ZNHIT6: variants seen among roughly 807,000 people sequenced by gnomAD.
ZNHIT6 encodes the protein zinc finger HIT-type containing 6.
Under a neutral mutation model 57.2 loss-of-function variants are expected in ZNHIT6, and 45 were observed. That is an observed-to-expected ratio of 0.79 (90% CI 0.62 to 1.01). ZNHIT6 has a LOEUF of 1.01. ZNHIT6 is among the 50% of genes least tolerant of loss of function. The probability of loss-of-function intolerance (pLI) is 0.00; values close to 1 mark genes in which losing one functional copy is unlikely to be tolerated. For missense variants in ZNHIT6, 528 were observed against 567.3 expected (o/e 0.93, Z 0.70); for synonymous variants, 188 against 190.0 (o/e 0.99, Z 0.09).
At chr1:85,699,650 TAG>T (rs993972908) in intron 5 of ZNHIT6, among the ~76,000 whole-genome samples, 4 of 152,182 alleles carry the variant, frequency 2.6e-5, no homozygotes, top group Non-Finnish European at 5.9e-5. Context: ...GGAGACAATG[TAG>T]AGTTTTTCTC....
intron 5 of ZNHIT6, among the ~76,000 whole-genome samples, chr1:85,689,608 T>A (rs995949540): frequency 1.3e-5 from 2 of 152,178 alleles, no homozygotes; most frequent in Non-Finnish European, 2.9e-5. Context: ...TAGTAGAAAG[T>A]ATATTAAGAA....
At chr1:85,704,392 A>C (rs1662620332) in intron 4 of ZNHIT6, among the ~76,000 whole-genome samples, 1 of 152,150 alleles carries the variant, frequency 6.6e-6, no homozygotes, top group South Asian at 2.1e-4. Context: ...AAAATGCGTA[A>C]ACAAATTGTG....
chr1:85,677,387 C>T, intron 7 of ZNHIT6, 74 bp from the exon 8 acceptor site: 1 of 1,148,940 alleles, frequency 8.7e-7, no homozygotes, highest in South Asian at 1.7e-5. Context: ...GGAGACTAAG[C>T]ATTTGTACCT....
chr1:85,656,731 C>T (rs1661070192), intron 9 of ZNHIT6, among the ~76,000 whole-genome samples: 2 of 151,958 alleles, frequency 1.3e-5, no homozygotes, highest in South Asian at 2.1e-4. Context: ...GATTTAGAGG[C>T]CCATAATTTA....
intron 1 of ZNHIT6, 86 bp downstream of exon 1, chr1:85,707,543 C>T: frequency 7.1e-7 from 1 of 1,408,664 alleles, no homozygotes; most frequent in East Asian, 2.4e-5. Context: ...CATTATTCCA[C>T]CTTCTCCTGA....
intron 8 of ZNHIT6, among the ~76,000 whole-genome samples, chr1:85,667,088 T>G (rs1661390337): frequency 6.6e-6 from 1 of 152,162 alleles, no homozygotes; most frequent in Non-Finnish European, 1.5e-5. Flanking sequence ...TTATGATTAT[T>G]TATGGTGCTG....
rs142063493 is a variant in ZNHIT6, at chr1:85,708,223, C to G, written c.62G>C (p.Gly21Ala). The G allele has an allele frequency of 1.9e-6, 3 of 1,613,444 alleles. No homozygotes were observed. The highest frequency in any genetic ancestry group is 1.1e-5 in the South Asian group (1 of 91,066). ...GCCAGGCTCTGGACTTAGCCGCACC[C>G]CCTCAGCTACGCTGTGGAGACCTCC... is the stretch of plus-strand genomic sequence containing the variant. ...SGGGLHSVAEGVRLSPEPGRE... is the reference protein window; with the variant it reads ...SGGGLHSVAEAVRLSPEPGRE... Residue 21 changes from glycine (G) to alanine (A), a missense_variant, in exon 1 of 10, where the codon GGG becomes GCG. Physicochemically the swap from Gly to Ala is moderately conservative, Grantham distance 60. Coordinates refer to ENST00000370574, the MANE Select transcript of ZNHIT6 (RefSeq NM_017953.4).
Position 85,702,278 on chromosome 1 carries a change from A to T in ZNHIT6, c.916-18T>A, listed in dbSNP as rs775300422. On this transcript the variant is annotated intron_variant, in intron 4 of 9. Transcript: ENST00000370574. Reference sequence around the variant, plus strand: ...AAGTACATCTAACAACAAAAACCAAACAGACAAATTAATTTTTAAATTCCT... The same window carrying T: ...AAGTACATCTAACAACAAAAACCAATCAGACAAATTAATTTTTAAATTCCT... 8 of 1,393,710 alleles carry T rather than the reference A, an allele frequency of 5.7e-6. No homozygotes were observed. The highest frequency in any genetic ancestry group is 8.0e-6 in the Non-Finnish European group (8 of 1,001,540). 86.3% of individuals were successfully genotyped at this position (1,393,710 alleles called of 1,614,324 possible). A position where few individuals can be genotyped will look rare whatever the true frequency, so the allele number is the denominator to read the frequency against.
chr1:85,667,961 A>AAAAAAAAAAAAAAAAATATATATATAT, intron 8 of ZNHIT6, among the ~76,000 whole-genome samples: 1 of 18,200 alleles, frequency 5.5e-5, no homozygotes, highest in Non-Finnish European at 9.9e-5. Context: ...AAAAAAAAAA[A>AAAAAAAAAAAAAAAAATATATATATAT]ATATATATAT....
chr1:85,681,792 G>A (rs7512456), intron 5 of ZNHIT6, among the ~76,000 whole-genome samples: 9,375 of 152,186 alleles, frequency 0.062, 379 homozygotes, highest in African/African-American at 0.11. Flanking sequence ...GAACAAAGTT[G>A]AAAAGTACCC....
intron 5 of ZNHIT6, among the ~76,000 whole-genome samples, chr1:85,698,426 T>C (rs1376458761): frequency 6.6e-6 from 1 of 152,182 alleles, no homozygotes; most frequent in East Asian, 1.9e-4. Context: ...TCAGGTACAA[T>C]GGCACATTCA....
At chr1:85,694,951 T>G (rs1662323855) in intron 5 of ZNHIT6, among the ~76,000 whole-genome samples, 1 of 152,136 alleles carries the variant, frequency 6.6e-6, no homozygotes, top group South Asian at 2.1e-4. Flanking sequence ...TTTTTTGGTA[T>G]GTACTGTATT....
intron 5 of ZNHIT6, among the ~76,000 whole-genome samples, chr1:85,690,714 C>A (rs1557864225): frequency 6.6e-6 from 1 of 152,166 alleles, no homozygotes. Flanking sequence ...TCAGAATCAT[C>A]TGGTGCTTTT....
Position 85,707,817 on chromosome 1 carries a change from C to T in ZNHIT6, c.468G>A (p.Lys156=). The change falls in exon 1 of 10, where the codon AAG becomes AAA. Residue 156 remains lysine, a synonymous_variant. Coordinates refer to ENST00000370574, the MANE Select transcript of ZNHIT6 (RefSeq NM_017953.4). ...VMDWSEVKEE[K]DNLEIKQEEK... ...CCTCCTGTTTTATCTCCAAGTTATC[C>T]TTCTCTTCCTTCACTTCTGACCAGT... The T allele has an allele frequency of 6.2e-7, 1 of 1,613,992 alleles. No individual in the cohort carries two copies. Among genetic ancestry groups the T allele is most frequent in the East Asian group, 2.2e-5 (1 of 44,862 alleles).
intron 8 of ZNHIT6, 32 bp from the exon 9 acceptor site, chr1:85,658,003 A>G (rs1458122796): frequency 7.3e-7 from 1 of 1,363,224 alleles, no homozygotes; most frequent in African/African-American, 1.5e-5. Flanking sequence ...AAAACCAGGA[A>G]ACACTCTTAA....
chr1:85,688,863 G>T (rs1662137029), intron 5 of ZNHIT6, among the ~76,000 whole-genome samples: 1 of 151,280 alleles, frequency 6.6e-6, no homozygotes, highest in Admixed American at 6.6e-5. Flanking sequence ...AAAAAAAAAT[G>T]GGTCCTTGAT....
At chr1:85,698,996 T>A (rs1662456309) in intron 5 of ZNHIT6, among the ~76,000 whole-genome samples, 1 of 152,170 alleles carries the variant, frequency 6.6e-6, no homozygotes, top group East Asian at 1.9e-4. Context: ...ATCCTCTCAA[T>A]AACCTGGTAA....
intron 8 of ZNHIT6, among the ~76,000 whole-genome samples, chr1:85,670,548 T>C (rs1196052199): frequency 2.0e-5 from 3 of 152,152 alleles, no homozygotes; most frequent in Non-Finnish European, 4.4e-5. Context: ...AATATAAAAA[T>C]GAAGATGCCT....
chr1:85,706,105 A>T lies in ZNHIT6; in HGVS notation c.888T>A (p.Phe296Leu). 1.2e-6 allele frequency: 2 copies of T among 1,613,830 alleles called. No homozygotes were observed. Among genetic ancestry groups the T allele is most frequent in the South Asian group, 2.2e-5 (2 of 91,006 alleles). The change falls in exon 4 of 10, where the codon TTT becomes TTA. Residue 296 changes from phenylalanine to leucine, a missense_variant. Phe to Leu is a conservative substitution (Grantham distance 22). Coordinates refer to ENST00000370574, the MANE Select transcript of ZNHIT6 (RefSeq NM_017953.4). ...ATTTATTGCTTATTGGTCTCTTCAA[A>T]AAAGCATCTCTAGAAATATGGTCCG... ...RTADHISRDA[F>L]LKRPISNKYM...
Sources: allele counts gnomAD v4.1 joint callset (sites outside exome capture counted in the v4.1 genomes callset), GRCh38; gene constraint gnomAD v4.1.1; transcripts MANE v1.5; gene names NCBI Gene and HGNC (gene_info 2026-07-23, HGNC 2026-07-21).